Variants in APOB observed in about 807,000 individuals in gnomAD.
The protein encoded by APOB is apolipoprotein B, also known as apolipoprotein B-100.
Under a neutral mutation model 314.1 loss-of-function variants are expected in APOB, and 153 were observed. The ratio of observed to expected loss-of-function variants is 0.49; its 90% CI spans 0.43 to 0.56. The LOEUF (loss-of-function observed/expected upper bound fraction) is 0.56, where lower values mean the gene tolerates loss of function less well. APOB is among the 20% of genes least tolerant of loss of function. The probability of loss-of-function intolerance (pLI) is 0.00; values close to 1 mark genes in which losing one functional copy is unlikely to be tolerated. For synonymous variants in APOB, 2,087 were observed against 2,036.4 expected, an observed-to-expected ratio of 1.02 and a Z score of -0.67; for missense variants, 5,430 against 5,350.7, an observed-to-expected ratio of 1.01 and a Z score of -0.46.
At chr2:21,035,272 T>G (rs1469729827) in intron 7 of APOB, among the ~76,000 whole-genome samples, 1 of 152,208 alleles carries the variant, frequency 6.6e-6, no homozygotes, top group Non-Finnish European at 1.5e-5. Context: ...AAGTTTCCAG[T>G]CAGTATCCCA....
rs1663250682 is a variant in APOB, at chr2:21,009,673, C to T, written c.7195G>A (p.Asp2399Asn). Residue 2399 changes from aspartate (D) to asparagine (N), a missense_variant, in exon 26 of 29, where the codon GAT becomes AAT. Asp to Asn is a conservative substitution (Grantham distance 23, BLOSUM62 1). This residue lies in a region of APOB where 3,281 missense variants were observed against 3,171.0 expected (regional missense o/e 1.03). Transcript: ENST00000233242. ...YFEKLVGFID[D>N]AVKKLNELSF... Reference sequence around the variant, plus strand: ...AATTCATTAAGCTTCTTGACAGCATCATCAATAAATCCAACCAATTTCTCA... The same window carrying T: ...AATTCATTAAGCTTCTTGACAGCATTATCAATAAATCCAACCAATTTCTCA... 1 of 1,613,268 alleles carries T rather than the reference C, an allele frequency of 6.2e-7. No homozygotes were observed. Among genetic ancestry groups the T allele is most frequent in the Non-Finnish European group, 8.5e-7 (1 of 1,179,524 alleles).
At chr2:21,018,957 A>T in intron 20 of APOB, 35 bp downstream of exon 20, 1 of 1,613,814 alleles carries the variant, frequency 6.2e-7, no homozygotes, top group Non-Finnish European at 8.5e-7. Flanking sequence ...TGAGACTGCG[A>T]GCAGAGATGA....
intron 14 of APOB, 43 bp from the exon 15 acceptor site, chr2:21,027,007 T>C (rs1199249767): frequency 3.8e-6 from 6 of 1,593,966 alleles, no homozygotes; most frequent in Admixed American, 1.7e-5. Context: ...CAGGTTTCTT[T>C]GTTGTATGCC....
chr2:21,012,856 G>A (rs1663364472), intron 25 of APOB, among the ~76,000 whole-genome samples: 1 of 152,148 alleles, frequency 6.6e-6, no homozygotes, highest in Admixed American at 6.5e-5. Context: ...GCTTTGTTTA[G>A]GTTCCCTTGT....
At position 21,005,990 on chromosome 2, in the gene APOB, A is replaced by C. The variant is rs1359068028; in HGVS notation, c.10878T>G (p.Thr3626=). 1 of 1,613,784 alleles carries C rather than the reference A, an allele frequency of 6.2e-7. No individual in the cohort carries two copies. The highest frequency in any genetic ancestry group is 1.3e-5 in the African/African-American group (1 of 74,894). ...LGQEVALNAN[T]KNQKIRWKNE... The stretch of plus-strand genomic sequence containing the variant: ...TTTTCCATCTGATCTTCTGGTTCTT[A>C]GTGTTAGCATTCAGGGCCACTTCCT... The change falls in exon 26 of 29, where the codon ACT becomes ACG. Residue 3626 remains threonine (T), a synonymous_variant. Transcript: ENST00000233242.
At chr2:21,032,806 T>C (rs1233436436) in intron 9 of APOB, among the ~76,000 whole-genome samples, 1 of 152,174 alleles carries the variant, frequency 6.6e-6, no homozygotes, top group East Asian at 1.9e-4. Flanking sequence ...TGTGGATCTG[T>C]AGCAACAAGA....
At position 21,011,256 on chromosome 2, in the gene APOB, T is replaced by G; in HGVS notation, c.5612A>C (p.Asp1871Ala). ...GVEFSHRLNTDIAGLASAIDM... is the reference protein window; with the variant it reads ...GVEFSHRLNTAIAGLASAIDM... The stretch of plus-strand genomic sequence containing the variant: ...AATGGCTGAAGCCAGCCCAGCGATG[T>G]CTGTGTTGAGCCGATGGCTAAACTC... The change falls in exon 26 of 29, where the codon GAC becomes GCC. Residue 1871 changes from aspartate to alanine, a missense_variant. Asp to Ala is a moderately radical substitution (Grantham distance 126). Around this residue, in one of 3 missense-constraint regions of APOB, gnomAD observed 3,281 missense variants for 3,171.0 expected, o/e 1.03. Coordinates refer to ENST00000233242, the MANE Select transcript of APOB (RefSeq NM_000384.3). 6.2e-7 allele frequency: 1 copy of G among 1,614,248 alleles called. No individual in the cohort carries two copies. The highest frequency in any genetic ancestry group is 8.5e-7 in the Non-Finnish European group (1 of 1,180,034).
chr2:21,021,217 C>T (rs574355308), intron 18 of APOB, among the ~76,000 whole-genome samples: 8 of 152,066 alleles, frequency 5.3e-5, no homozygotes, highest in East Asian at 1.9e-4. Flanking sequence ...AAATGAAGGG[C>T]GCCTCCTTCC....
In APOB at chr2:21,012,366, T is replaced by C. The variant is rs1558565701; in HGVS notation, c.4502A>G (p.Tyr1501Cys). The change falls in exon 26 of 29, where the codon TAT becomes TGT. Residue 1501 changes from tyrosine (Y) to cysteine (C), a missense_variant. Tyr to Cys is a radical substitution (Grantham distance 194). This residue lies in a region of APOB where 2,085 missense variants were observed against 2,079.7 expected (regional missense o/e 1.00). Coordinates refer to ENST00000233242, the MANE Select transcript of APOB (RefSeq NM_000384.3). ...RVSSFYAKGTYGLSCQRDPNT... is the reference protein window; with the variant it reads ...RVSSFYAKGTCGLSCQRDPNT... ...AGGATCCCTCTGACAAGACAGGCCA[T>C]ATGTGCCTTTAGCATAGAACGAAGA... The C allele has an allele frequency of 2.5e-6, 4 of 1,614,212 alleles. No homozygotes were observed. In the South Asian group the frequency reaches 3.3e-5, roughly 13 times the overall value.
At chr2:21,042,559 G>A (rs1454049875) in intron 2 of APOB, 83 bp from the exon 3 acceptor site, 1 of 942,028 alleles carries the variant, frequency 1.1e-6, no homozygotes, top group Admixed American at 1.7e-5. Context: ...AGGGGCAGTG[G>A]CATAGAGAAT....
intron 2 of APOB, 95 bp from the exon 3 acceptor site, chr2:21,042,571 A>C (rs1408945652): frequency 3.5e-6 from 3 of 862,866 alleles, no homozygotes; most frequent in Non-Finnish European, 6.0e-6. Flanking sequence ...ATAGAGAATT[A>C]AAAATGGTAA....
At position 21,007,995 on chromosome 2, in the gene APOB, C is replaced by A; in HGVS notation, c.8873G>T (p.Gly2958Val). Residue 2958 changes from glycine to valine, a missense_variant, in exon 26 of 29, where the codon GGA becomes GTA. By Grantham distance (109) the Gly-to-Val change is moderately radical. Around this residue, in one of 3 missense-constraint regions of APOB, gnomAD observed 3,281 missense variants for 3,171.0 expected, o/e 1.03. Transcript: ENST00000233242. ...FTIEGPLTSF[G>V]LSNKINSKHL... The stretch of plus-strand genomic sequence containing the variant: ...TTTGCTATTGATCTTATTGGACAGT[C>A]CAAAGGAAGTGAGGGGTCCTTCTAT... 2 of 1,614,074 alleles carry A rather than the reference C, an allele frequency of 1.2e-6. No homozygotes were observed. Among genetic ancestry groups the A allele is most frequent in the Non-Finnish European group, 1.7e-6 (2 of 1,179,960 alleles).
At chr2:21,034,417 G>C (rs1663952961) in intron 8 of APOB, among the ~76,000 whole-genome samples, 1 of 152,220 alleles carries the variant, frequency 6.6e-6, no homozygotes, top group Admixed American at 6.5e-5. Flanking sequence ...TTGGACTTGA[G>C]ATTGTTAGAG....
At chr2:21,013,618 G>A in intron 24 of APOB, 85 bp from the exon 25 acceptor site, 1 of 1,581,832 alleles carries the variant, frequency 6.3e-7, no homozygotes, top group Non-Finnish European at 8.7e-7. Context: ...CAACAATATT[G>A]TACTTGCCCC....
At chr2:21,014,384 T>G (rs890048141) in intron 24 of APOB, 64 bp downstream of exon 24, 1 of 1,583,544 alleles carries the variant, frequency 6.3e-7, no homozygotes, top group Non-Finnish European at 8.6e-7. Flanking sequence ...GTCTAAATCA[T>G]GCTATGTAAA....
In APOB at chr2:21,001,687, T is replaced by C. The variant is rs1337321052; in HGVS notation, c.*43A>G. The C allele has an allele frequency of 6.2e-7, 1 of 1,601,502 alleles. No homozygotes were observed. Among genetic ancestry groups the C allele is most frequent in the Non-Finnish European group, 8.5e-7 (1 of 1,169,770 alleles). On this transcript the variant is annotated 3_prime_UTR_variant, in exon 29 of 29. Transcript: ENST00000233242. ...GAATTTTTTCTGTGCTATGTGAAAG[T>C]TCAATTGGAAAAGAAGAATAAATGA...
In APOB at chr2:21,008,984, T is replaced by C. The variant is rs1417847805; in HGVS notation, c.7884A>G (p.Ser2628=). The C allele has an allele frequency of 6.2e-7, 1 of 1,613,898 alleles. No individual in the cohort carries two copies. The highest frequency in any genetic ancestry group is 1.3e-5 in the African/African-American group (1 of 74,932). ...TTAAGTCTTTGAAGTTTATCTGAAC[T>C]GATGGAATCCTCAAATCTGTTAGGG... ...IVPLTDLRIP[S]VQINFKDLKN... is the part of the protein sequence containing the mutation. Residue 2628 remains serine, a synonymous_variant, in exon 26 of 29, where the codon TCA becomes TCG. Coordinates refer to ENST00000233242, the MANE Select transcript of APOB (RefSeq NM_000384.3).
chr2:21,033,281 G>T lies in APOB; in HGVS notation c.1124+18C>A. 6.3e-7 allele frequency: 1 copy of T among 1,599,190 alleles called. No individual in the cohort carries two copies. Among genetic ancestry groups the T allele is most frequent in the Non-Finnish European group, 8.6e-7 (1 of 1,166,474 alleles). On this transcript the variant is annotated intron_variant, in intron 9 of 28. Transcript: ENST00000233242. ...TACCATCAGTTTTATAAAAAGTTGAGCTGTAACCATTAGATACCTGGACAC... is the reference window on the plus strand; with the variant it reads ...TACCATCAGTTTTATAAAAAGTTGATCTGTAACCATTAGATACCTGGACAC...
At chr2:21,038,577 T>G (rs1329953753) in intron 4 of APOB, among the ~76,000 whole-genome samples, 1 of 152,086 alleles carries the variant, frequency 6.6e-6, no homozygotes, top group Non-Finnish European at 1.5e-5. Context: ...CTCAGGTGAT[T>G]CTCCCTCCTC....
Sources: allele counts gnomAD v4.1 joint callset (sites outside exome capture counted in the v4.1 genomes callset), GRCh38; gene constraint gnomAD v4.1.1; regional missense constraint gnomAD v4.1.1; transcripts MANE v1.5; gene names NCBI Gene and HGNC (gene_info 2026-07-23, HGNC 2026-07-21).